The following DENND2D variants were observed in gnomAD, a reference collection of about 807,000 sequenced individuals.
DENND2D encodes DENN domain-containing protein 2D.
DENND2D carries 37 observed loss-of-function variants against 59.8 expected under a neutral mutation model. The observed-to-expected ratio is 0.62, with a 90% CI of 0.48 to 0.81. The LOEUF is 0.81. Among genes scored for constraint, DENND2D ranks in the 40% least tolerant of loss-of-function variants. The pLI, the probability that DENND2D is intolerant of heterozygous loss-of-function variation, is 0.00. For synonymous variants in DENND2D, 219 were observed against 211.3 expected (o/e 1.04, Z -0.31); for missense variants, 525 against 579.7 (o/e 0.91, Z 0.97).
upstream of DENND2D, chr1:111,204,462 G>C (rs1009041550): frequency 2.6e-6 from 3 of 1,175,420 alleles, no homozygotes; most frequent in Non-Finnish European, 3.3e-6. Flanking sequence ...GGAGGCCTAG[G>C]GGACAGGTTC....
At chr1:111,203,502 G>A (rs919116766), upstream of DENND2D, among the ~76,000 whole-genome samples, 3 of 152,262 alleles carry the variant, frequency 2.0e-5, no homozygotes, top group Non-Finnish European at 4.4e-5. Flanking sequence ...TATTTGCCGA[G>A]TGAATGAATA....
chr1:111,199,613 C>T lies in DENND2D; in HGVS notation c.243+10G>A, dbSNP rs1301251967. 2 of 1,609,582 alleles carry T rather than the reference C, an allele frequency of 1.2e-6. No individual in the cohort carries two copies. The highest frequency in any genetic ancestry group is 2.2e-5 in the East Asian group (1 of 44,838). ...CCTCTGGCTGGCCCTGCCCCTCCTT[C>T]AGTCCTTACCTTGGGAAATTGGTAG... On this transcript the variant is annotated intron_variant, in intron 2 of 11. Transcript: ENST00000357640.
rs753116225 is a variant in DENND2D at position 111,187,700 on chromosome 1, G to A, written c.1340-19C>T. On this transcript the variant is annotated intron_variant, in intron 11 of 11. Transcript: ENST00000357640. ...AAATAGCCTGTGGGTTCAAATACAG[G>A]TGTTAGAGGCATCTGATCTGGTCAG... 5 of 1,594,532 alleles carry A rather than the reference G, an allele frequency of 3.1e-6. No individual in the cohort carries two copies. Among genetic ancestry groups the A allele is most frequent in the East Asian group, 2.2e-5 (1 of 44,798 alleles).
At chr1:111,198,388 C>G (rs1340400336) in intron 3 of DENND2D, among the ~76,000 whole-genome samples, 1 of 152,226 alleles carries the variant, frequency 6.6e-6, no homozygotes, top group Non-Finnish European at 1.5e-5. Context: ...TTAAAAGCAG[C>G]AACTATTGCT....
chr1:111,196,158 G>T, intron 5 of DENND2D, 102 bp from the exon 6 acceptor site: 1 of 1,417,254 alleles, frequency 7.1e-7, no homozygotes, highest in Non-Finnish European at 9.4e-7. Context: ...TCTCATACTG[G>T]TTCAGCTGAT....
upstream of DENND2D, among the ~76,000 whole-genome samples, chr1:111,202,152 T>A (rs1658869310): frequency 6.6e-6 from 1 of 152,236 alleles, no homozygotes; most frequent in African/African-American, 2.4e-5. Context: ...CAGAATCTTA[T>A]CACTGATCAT....
intron 7 of DENND2D, among the ~76,000 whole-genome samples, chr1:111,192,559 A>T (rs11102218): frequency 6.6e-6 from 1 of 152,030 alleles, no homozygotes; most frequent in East Asian, 1.9e-4. Flanking sequence ...TTCTTTTCCC[A>T]GTTAGTCTTC....
chr1:111,201,070 A>T (rs1658758107), upstream of DENND2D: 1 of 155,436 alleles, frequency 6.4e-6, no homozygotes, highest in South Asian at 1.9e-4. Context: ...ATGGCCAAAC[A>T]CTTTCTGCAG....
chr1:111,196,026 T>G lies in DENND2D; in HGVS notation c.535A>C (p.Ile179Leu). ...AACGGGTAGATGACAGCCATGGAGATCTGATGTCTCTTCTCCACTTCATCC... is the reference window on the plus strand; with the variant it reads ...AACGGGTAGATGACAGCCATGGAGAGCTGATGTCTCTTCTCCACTTCATCC... ...ILDEVEKRHQ[I>L]SMAVIYPFMQ... The change falls in exon 6 of 12, where the codon ATC (isoleucine) becomes CTC (leucine). Residue 179 changes from isoleucine to leucine, a missense_variant. Around this residue, in one of 3 missense-constraint regions of DENND2D, gnomAD observed 253 missense variants for 246.4 expected, o/e 1.03. Coordinates refer to ENST00000357640, the MANE Select transcript of DENND2D (RefSeq NM_024901.5). 2.5e-6 allele frequency: 4 copies of G among 1,612,962 alleles called. No homozygotes were observed. Among genetic ancestry groups the G allele is most frequent in the Non-Finnish European group, 3.4e-6 (4 of 1,179,486 alleles).
Position 111,192,298 on chromosome 1 carries a change from G to T in DENND2D, c.814C>A (p.His272Asn), listed in dbSNP as rs1429096407. Residue 272 changes from histidine (H) to asparagine (N), a missense_variant, in exon 8 of 12, where the codon CAT (histidine) becomes AAT (asparagine). This residue lies in a region of DENND2D where 225 missense variants were observed against 252.4 expected (regional missense o/e 0.89). Coordinates refer to ENST00000357640, the MANE Select transcript of DENND2D (RefSeq NM_024901.5). ...GGGTAGAGCAGTGCGGCAGCAGCAT[G>T]GATGCACTGAGACAAGGTGCTGGGA... ...EGLSTLSQCI[H>N]AAAALLYPFS... 2 of 1,607,634 alleles carry T rather than the reference G, an allele frequency of 1.2e-6. No homozygotes were observed. Among genetic ancestry groups the T allele is most frequent in the Non-Finnish European group, 1.7e-6 (2 of 1,175,792 alleles).
chr1:111,191,993 T>G (rs142956255), intron 8 of DENND2D, 147 bp downstream of exon 8: 67 of 792,390 alleles, frequency 8.5e-5, no homozygotes, highest in Non-Finnish European at 1.1e-4. Context: ...AAGTGAACAC[T>G]GTTATCCCCA....
intron 8 of DENND2D, among the ~76,000 whole-genome samples, chr1:111,190,006 C>T (rs1657594937): frequency 2.6e-5 from 4 of 151,672 alleles, no homozygotes; most frequent in South Asian, 2.1e-4. Flanking sequence ...CTACTAAAAA[C>T]GCAAAAAATC....
At position 111,186,005 on chromosome 1, in the gene DENND2D, T is replaced by A. The variant is rs552502059; in HGVS notation, c.*1600A>T. Among the ~76,000 whole-genome samples the A allele has an allele frequency of 1.1e-4, 16 of 152,346 alleles. No homozygotes were observed. The East Asian group carries it at 2.7e-3, about 26-fold the overall frequency. ...TTGAAATGTGTTTATTCTCCTAGAT[T>A]CTTTTTCAGCATAGATGGAATCTGA... On this transcript the variant is annotated 3_prime_UTR_variant, in exon 12 of 12. Coordinates refer to ENST00000357640, the MANE Select transcript of DENND2D (RefSeq NM_024901.5).
chr1:111,199,864 G>T, intron 1 of DENND2D, 66 bp from the exon 2 acceptor site: 1 of 1,554,640 alleles, frequency 6.4e-7, no homozygotes, highest in South Asian at 1.2e-5. Flanking sequence ...GAGTCTGTGA[G>T]AATCCGGGTG....
Position 111,194,562 on chromosome 1 carries a change from C to T in DENND2D, c.794+16G>A. The T allele has an allele frequency of 6.2e-7, 1 of 1,613,224 alleles. No homozygotes were observed. The highest frequency in any genetic ancestry group is 8.5e-7 in the Non-Finnish European group (1 of 1,179,780). ...TGCTGGGCAGTTCAGGTGAGCCGTC[C>T]AGGGGCTGGGCCCACCTGAGACCTT... On this transcript the variant is annotated intron_variant, in intron 7 of 11. Coordinates refer to ENST00000357640, the MANE Select transcript of DENND2D (RefSeq NM_024901.5).
At position 111,189,340 on chromosome 1, in the gene DENND2D, G is replaced by GT. The variant is rs1557951482; in HGVS notation, c.973-88dup. Reference sequence around the variant, plus strand: ...ACCGTCTTGATTTCTGCCTGTGGCTGTATCTTTCAGCCCAGGTAGCAACAA... The same window carrying GT: ...ACCGTCTTGATTTCTGCCTGTGGCTGTTATCTTTCAGCCCAGGTAGCAACAA... On this transcript the variant is annotated intron_variant, in intron 8 of 11. Coordinates refer to ENST00000357640, the MANE Select transcript of DENND2D (RefSeq NM_024901.5). 4.2e-6 allele frequency: 6 copies of GT among 1,430,546 alleles called. No individual in the cohort carries two copies. In the South Asian group the frequency reaches 5.9e-5, roughly 14 times the overall value. 88.6% of individuals were successfully genotyped at this position (1,430,546 alleles called of 1,614,324 possible).
chr1:111,198,792 A>G, intron 2 of DENND2D, 50 bp from the exon 3 acceptor site: 1 of 1,590,334 alleles, frequency 6.3e-7, no homozygotes, highest in Non-Finnish European at 8.6e-7. Flanking sequence ...GGGCAGAGAT[A>G]GCAGGAGACA....
rs368115297 is a variant in DENND2D, at chr1:111,200,481, C to T, written c.-22G>A. ...CCATCTCTGGGCCTTCAGGACAGAG[C>T]GGACTCCCCTCTCCCCTAACACAGA... On this transcript the variant is annotated 5_prime_UTR_variant, in exon 1 of 12. Transcript: ENST00000357640. The T allele has an allele frequency of 3.8e-5, 60 of 1,598,536 alleles. 1 individual carries two copies. In the South Asian group the frequency reaches 4.2e-4, roughly 11 times the overall value.
At chr1:111,189,430 A>T in intron 8 of DENND2D, 177 bp from the exon 9 acceptor site, 1 of 644,222 alleles carries the variant, frequency 1.6e-6, no homozygotes, top group Non-Finnish European at 2.7e-6. Context: ...CCCTCTGGAG[A>T]TCTCAGTTCC....
Sources: allele counts gnomAD v4.1 joint callset (sites outside exome capture counted in the v4.1 genomes callset), GRCh38; gene constraint gnomAD v4.1.1; regional missense constraint gnomAD v4.1.1; transcripts MANE v1.5; gene names NCBI Gene and HGNC (gene_info 2026-07-23, HGNC 2026-07-21).